Variants in CSMD1 observed in about 807,000 individuals in gnomAD.
The protein encoded by CSMD1 is CUB and sushi domain-containing protein 1.
CSMD1 carries 213 observed loss-of-function variants against 417.5 expected under a neutral mutation model. That is an observed-to-expected ratio of 0.51 (90% CI 0.46 to 0.57). CSMD1 has a LOEUF of 0.57. Among genes scored for constraint, CSMD1 ranks in the 20% least tolerant of loss-of-function variants. The pLI is 0.00. For missense variants in CSMD1, 6,923 were observed against 4,529.7 expected (o/e 1.53, Z -15.17); for synonymous variants, 2,862 against 1,736.8 (o/e 1.65, Z -16.11).
chr8:3,951,254 G>C (rs147337314), intron 5 of CSMD1, among the ~76,000 whole-genome samples: 1 of 152,290 alleles, frequency 6.6e-6, no homozygotes, highest in African/African-American at 2.4e-5. Flanking sequence ...GGTGACTGAG[G>C]CCAGAGTGGA....
chr8:4,550,354 CACACACAA>C (rs1797817301), intron 2 of CSMD1, among the ~76,000 whole-genome samples: 2 of 151,662 alleles, frequency 1.3e-5, no homozygotes, highest in Non-Finnish European at 2.9e-5. Flanking sequence ...CACACACACA[CACACACAA>C]ACCCGGTCCC....
chr8:3,021,179 T>C (rs1307809963), intron 51 of CSMD1, among the ~76,000 whole-genome samples: 1 of 152,224 alleles, frequency 6.6e-6, no homozygotes, highest in African/African-American at 2.4e-5. Flanking sequence ...CTCGTATGGC[T>C]GTTTCTATTG....
At chr8:3,001,583 T>C (rs1401094791) in intron 52 of CSMD1, among the ~76,000 whole-genome samples, 1 of 152,192 alleles carries the variant, frequency 6.6e-6, no homozygotes, top group Non-Finnish European at 1.5e-5. Flanking sequence ...TTTTGCTTAA[T>C]TCACAGGAAA....
chr8:3,179,782 A>G (rs1176622972), intron 37 of CSMD1, among the ~76,000 whole-genome samples: 5 of 152,360 alleles, frequency 3.3e-5, no homozygotes, highest in Non-Finnish European at 5.9e-5. Flanking sequence ...ATATCAAAGT[A>G]GCAGATTTTC....
At chr8:4,705,857 CT>C (rs1807903021) in intron 1 of CSMD1, among the ~76,000 whole-genome samples, 2 of 152,114 alleles carry the variant, frequency 1.3e-5, no homozygotes, top group East Asian at 3.9e-4. Flanking sequence ...CCTGGGGGCA[CT>C]TTAAAATATA....
chr8:4,393,487 C>G (rs1288972737), intron 3 of CSMD1, among the ~76,000 whole-genome samples: 1 of 152,100 alleles, frequency 6.6e-6, no homozygotes, highest in African/African-American at 2.4e-5. Flanking sequence ...TGGCAGCAGC[C>G]ACTATGTAGA....
rs548937347 is a variant in CSMD1 at position 4,902,386 on chromosome 8, A to C, written c.85+91946T>G. ...CAGGAGTTGAAGACTGCAGTGACCC[A>C]TGATTGTGCCACTTAGCAACAGAAC... On this transcript the variant is annotated intron_variant, in intron 1 of 69. Transcript: ENST00000635120. 2.0e-4 allele frequency among the ~76,000 whole-genome samples: 30 copies of C among 150,814 alleles called. 1 individual carries two copies. Among genetic ancestry groups the C allele is most frequent in the African/African-American group, 6.0e-4 (25 of 41,348 alleles).
At chr8:3,219,726 T>G (rs547118037) in intron 28 of CSMD1, among the ~76,000 whole-genome samples, 2 of 152,242 alleles carry the variant, frequency 1.3e-5, no homozygotes, top group East Asian at 3.9e-4. Context: ...AGCAGAGGTA[T>G]GCTATCCTTT....
rs1243192251 is a variant in CSMD1 at position 4,135,356 on chromosome 8, G to T, written c.416-103257C>A. On this transcript the variant is annotated intron_variant, in intron 3 of 69. Transcript: ENST00000635120. ...GGGGAAAGAAGGAAGGAAGGGAAAG[G>T]AGGGAAGGAAGGGGAAAGTGGGAAA... 7.8e-5 allele frequency among the ~76,000 whole-genome samples: 4 copies of T among 51,020 alleles called. No individual in the cohort carries two copies. The Admixed American group carries it at 9.9e-4, about 13-fold the overall frequency. The allele number at this position is 51,020 out of a possible 152,430, so 33.5% of individuals were successfully genotyped here.
intron 4 of CSMD1, among the ~76,000 whole-genome samples, chr8:4,004,407 T>A (rs1815941955): frequency 6.7e-6 from 1 of 148,620 alleles, no homozygotes; most frequent in Admixed American, 6.9e-5. Flanking sequence ...TTAAAATAAA[T>A]TCTGCCATGA....
chr8:4,097,928 G>C (rs1035259921), intron 3 of CSMD1, among the ~76,000 whole-genome samples: 1 of 152,084 alleles, frequency 6.6e-6, no homozygotes, highest in Non-Finnish European at 1.5e-5. Context: ...ATCATATGAA[G>C]GTAAAGTTAA....
chr8:3,751,034 T>G (rs1797312183), intron 6 of CSMD1, among the ~76,000 whole-genome samples: 1 of 152,184 alleles, frequency 6.6e-6, no homozygotes, highest in Non-Finnish European at 1.5e-5. Context: ...TGTCTAGTAC[T>G]GAACCTAACC....
At chr8:4,152,259 G>C (rs995301117) in intron 3 of CSMD1, among the ~76,000 whole-genome samples, 1 of 152,160 alleles carries the variant, frequency 6.6e-6, no homozygotes, top group East Asian at 1.9e-4. Flanking sequence ...AATGCTCTAT[G>C]ATGGTAATAT....
intron 3 of CSMD1, among the ~76,000 whole-genome samples, chr8:4,175,981 T>C (rs1489368577): frequency 6.6e-6 from 1 of 152,100 alleles, no homozygotes; most frequent in African/African-American, 2.4e-5. Flanking sequence ...TCTCATTGTA[T>C]TCTCTGTCCT....
At chr8:3,613,656 T>C (rs960955553) in intron 8 of CSMD1, among the ~76,000 whole-genome samples, 38 of 151,166 alleles carry the variant, frequency 2.5e-4, no homozygotes, top group African/African-American at 9.3e-4. Flanking sequence ...GTCATGTCAA[T>C]AGATGTAGAA....
At chr8:3,667,556 G>T (rs1287458215) in intron 7 of CSMD1, among the ~76,000 whole-genome samples, 1 of 152,148 alleles carries the variant, frequency 6.6e-6, no homozygotes, top group Non-Finnish European at 1.5e-5. Flanking sequence ...TGAGGACTAG[G>T]CTGAGAAAGT....
At chr8:3,074,839 A>T (rs1813537751) in intron 49 of CSMD1, among the ~76,000 whole-genome samples, 1 of 152,218 alleles carries the variant, frequency 6.6e-6, no homozygotes, top group Admixed American at 6.5e-5. Flanking sequence ...ATAAAGACAT[A>T]GATTATAGAT....
chr8:4,542,641 G>A (rs753327104), intron 2 of CSMD1, among the ~76,000 whole-genome samples: 8 of 152,178 alleles, frequency 5.3e-5, no homozygotes, highest in South Asian at 2.1e-4. Flanking sequence ...GCAAGAGAAT[G>A]GAGATTAACA....
At chr8:4,248,380 G>A (rs529971393) in intron 3 of CSMD1, among the ~76,000 whole-genome samples, 41 of 152,240 alleles carry the variant, frequency 2.7e-4, no homozygotes, top group African/African-American at 9.1e-4. Flanking sequence ...GTGAGTGCTG[G>A]TTTGCTGGTG....
Sources: allele counts gnomAD v4.1 joint callset (sites outside exome capture counted in the v4.1 genomes callset), GRCh38; gene constraint gnomAD v4.1.1; transcripts MANE v1.5; gene names NCBI Gene and HGNC (gene_info 2026-07-23, HGNC 2026-07-21).